Variants in RSBN1 observed in about 807,000 individuals in gnomAD.
RSBN1 encodes the protein round spermatid basic protein 1, also known as lysine-specific demethylase 9.
RSBN1 carries 23 observed loss-of-function variants against 74.8 expected under a neutral mutation model. The observed-to-expected ratio is 0.31, with a 90% CI of 0.22 to 0.44. The LOEUF is 0.44. RSBN1 is among the 20% of genes least tolerant of loss of function. The pLI is 1.00. For synonymous variants in RSBN1, 407 were observed against 379.6 expected (o/e 1.07, Z -0.84); for missense variants, 808 against 1,020.9 (o/e 0.79, Z 2.84).
intron 2 of RSBN1, among the ~76,000 whole-genome samples, chr1:113,787,140 T>C (rs780428844): frequency 7.2e-5 from 11 of 152,230 alleles, no homozygotes; most frequent in Non-Finnish European, 1.5e-4. Flanking sequence ...CACAGTAATA[T>C]ATGTTTCCAT....
At chr1:113,790,800 G>C (rs1335474657) in intron 2 of RSBN1, among the ~76,000 whole-genome samples, 3 of 152,192 alleles carry the variant, frequency 2.0e-5, no homozygotes, top group Non-Finnish European at 4.4e-5. Flanking sequence ...GTTTAAAACA[G>C]TGTTTCTTAA....
intron 1 of RSBN1, among the ~76,000 whole-genome samples, chr1:113,805,399 A>G (rs980105811): frequency 1.3e-5 from 2 of 152,202 alleles, no homozygotes; most frequent in Admixed American, 1.3e-4. Context: ...TTTATGAGCA[A>G]TAAGAGGGAG....
rs1224103164 is a variant in RSBN1, at chr1:113,774,052, T to C, written c.1658+3158A>G. 3.3e-5 allele frequency among the ~76,000 whole-genome samples: 5 copies of C among 152,076 alleles called. No individual in the cohort carries two copies. The South Asian group carries it at 1.0e-3, about 32-fold the overall frequency. On this transcript the variant is annotated intron_variant, in intron 4 of 6. Coordinates refer to ENST00000261441, the MANE Select transcript of RSBN1 (RefSeq NM_018364.5). The stretch of plus-strand genomic sequence containing the variant: ...AAACACGCATATGCACAAACATACA[T>C]ATCTACCAAACTTCCATCCATATAC...
chr1:113,783,140 T>G (rs1660168880), intron 2 of RSBN1, among the ~76,000 whole-genome samples: 1 of 152,126 alleles, frequency 6.6e-6, no homozygotes, highest in South Asian at 2.1e-4. Flanking sequence ...ACAAACTTTG[T>G]GAAAGAGAAC....
chr1:113,811,573 G>T, intron 1 of RSBN1, 137 bp downstream of exon 1: 1 of 1,332,882 alleles, frequency 7.5e-7, no homozygotes, highest in Non-Finnish European at 9.6e-7. Flanking sequence ...CTGAAATCCA[G>T]GGTCCACCCC....
At position 113,812,250 on chromosome 1, in the gene RSBN1, C is replaced by A; in HGVS notation, c.163G>T (p.Ala55Ser). 6.2e-7 allele frequency: 1 copy of A among 1,606,222 alleles called. No homozygotes were observed. ...GCCACCGCCCGTACTACGCGCACCG[C>A]TCCGACCTGCGCAGCCATTTCACCC... ...FVGEMAAQVG[A>S]VRVVRAVAAQ... Residue 55 changes from alanine to serine, a missense_variant, in exon 1 of 7, where the codon GCG (alanine) becomes TCG (serine). By Grantham distance (99) the Ala-to-Ser change is moderately conservative. Around this residue, in one of 6 missense-constraint regions of RSBN1, gnomAD observed 464 missense variants for 401.0 expected, o/e 1.16. Coordinates refer to ENST00000261441, the MANE Select transcript of RSBN1 (RefSeq NM_018364.5).
At chr1:113,784,614 CAG>C (rs1352467561) in intron 2 of RSBN1, among the ~76,000 whole-genome samples, 1 of 152,156 alleles carries the variant, frequency 6.6e-6, no homozygotes, top group Non-Finnish European at 1.5e-5. Context: ...CAATTCACAA[CAG>C]AGTTCACACT....
In RSBN1 at chr1:113,812,234, C is replaced by T; in HGVS notation, c.179G>A (p.Arg60Gln). 5 of 1,606,608 alleles carry T rather than the reference C, an allele frequency of 3.1e-6. No individual in the cohort carries two copies. The highest frequency in any genetic ancestry group is 4.2e-6 in the Non-Finnish European group (5 of 1,179,862). ...AAQVGAVRVV[R>Q]AVAAQEEPDK... is the part of the protein sequence containing the mutation. ...CGGCTCCTCCTGCGCCGCCACCGCC[C>T]GTACTACGCGCACCGCTCCGACCTG... Residue 60 changes from arginine (R) to glutamine (Q), a missense_variant, in exon 1 of 7, where the codon CGG becomes CAG. Arg to Gln is a conservative substitution (Grantham distance 43). Transcript: ENST00000261441.
At chr1:113,779,672 T>G (rs964746696) in intron 2 of RSBN1, among the ~76,000 whole-genome samples, 2 of 152,156 alleles carry the variant, frequency 1.3e-5, no homozygotes, top group African/African-American at 4.8e-5. Flanking sequence ...ACAACTAAAG[T>G]AGATTTAACC....
chr1:113,768,423 G>C lies in RSBN1; in HGVS notation c.1659-34C>G. The C allele has an allele frequency of 5.2e-6, 8 of 1,526,178 alleles. No individual in the cohort carries two copies. In the South Asian group the frequency reaches 1.0e-4, roughly 19 times the overall value. The allele number at this position is 1,526,178 out of a possible 1,614,324, so 94.5% of individuals were successfully genotyped here. A position where few individuals can be genotyped will look rare whatever the true frequency, so the allele number is the denominator to read the frequency against. On this transcript the variant is annotated intron_variant, in intron 4 of 6. Coordinates refer to ENST00000261441, the MANE Select transcript of RSBN1 (RefSeq NM_018364.5). ...GATTTGGTTGTTAAACAAAGGGTAA[G>C]CAAGGAAGAAAGAGACCAAAAAAAA... is the stretch of plus-strand genomic sequence containing the variant.
chr1:113,799,174 C>T (rs1660530873), intron 1 of RSBN1, among the ~76,000 whole-genome samples: 1 of 152,146 alleles, frequency 6.6e-6, no homozygotes, highest in African/African-American at 2.4e-5. Flanking sequence ...AGTGCTAGGA[C>T]CATAATGCTG....
At chr1:113,798,497 C>T (rs1423060423) in intron 1 of RSBN1, among the ~76,000 whole-genome samples, 2 of 152,116 alleles carry the variant, frequency 1.3e-5, no homozygotes, top group Non-Finnish European at 2.9e-5. Context: ...GGTAAATCAA[C>T]AAAGGCAAAG....
chr1:113,788,779 AC>A (rs1660307913), intron 2 of RSBN1, among the ~76,000 whole-genome samples: 1 of 152,200 alleles, frequency 6.6e-6, no homozygotes, highest in Admixed American at 6.5e-5. Context: ...ACCCCAGGAT[AC>A]ATGCGTGGAT....
At chr1:113,777,857 A>G in intron 2 of RSBN1, 49 bp from the exon 3 acceptor site, 1 of 1,441,990 alleles carries the variant, frequency 6.9e-7, no homozygotes, top group Non-Finnish European at 9.2e-7. Context: ...CAACTATAAT[A>G]TAATTAAAGA....
At chr1:113,799,825 T>G (rs1363583628) in intron 1 of RSBN1, among the ~76,000 whole-genome samples, 1 of 152,164 alleles carries the variant, frequency 6.6e-6, no homozygotes, top group Non-Finnish European at 1.5e-5. Flanking sequence ...GTTTACTAAT[T>G]GGAAAATATA....
intron 5 of RSBN1, 63 bp from the exon 6 acceptor site, chr1:113,767,270 T>C (rs552055463): frequency 2.2e-5 from 21 of 959,208 alleles, no homozygotes; most frequent in Non-Finnish European, 3.2e-5. Flanking sequence ...ATGACAAATT[T>C]CAGTTCTTTT....
chr1:113,800,726 A>G lies in RSBN1; in HGVS notation c.704-2690T>C, dbSNP rs184277487. On this transcript the variant is annotated intron_variant, in intron 1 of 6. Coordinates refer to ENST00000261441, the MANE Select transcript of RSBN1 (RefSeq NM_018364.5). Reference sequence around the variant, plus strand: ...TAACACATTTTCTGTATTACTATCAACTTTCCAGTGGTATTTCTAACTTGG... The same window carrying G: ...TAACACATTTTCTGTATTACTATCAGCTTTCCAGTGGTATTTCTAACTTGG... Among the ~76,000 whole-genome samples, 18 of 152,156 alleles carry G rather than the reference A, an allele frequency of 1.2e-4. No individual in the cohort carries two copies. The East Asian group carries it at 3.5e-3, about 29-fold the overall frequency.
intron 4 of RSBN1, among the ~76,000 whole-genome samples, chr1:113,775,193 T>G (rs1224770940): frequency 6.6e-6 from 1 of 151,520 alleles, no homozygotes; most frequent in Non-Finnish European, 1.5e-5. Context: ...CCCAGCTAAT[T>G]TTTGTATTTT....
intron 1 of RSBN1, among the ~76,000 whole-genome samples, chr1:113,807,670 A>G (rs1660734703): frequency 6.6e-6 from 1 of 151,898 alleles, no homozygotes; most frequent in African/African-American, 2.4e-5. Context: ...CTGAGGCAGG[A>G]GAATCGCTTG....
Sources: allele counts gnomAD v4.1 joint callset (sites outside exome capture counted in the v4.1 genomes callset), GRCh38; gene constraint gnomAD v4.1.1; regional missense constraint gnomAD v4.1.1; transcripts MANE v1.5; gene names NCBI Gene and HGNC (gene_info 2026-07-23, HGNC 2026-07-21).